Variants in BAZ1B observed in about 807,000 individuals in gnomAD.
BAZ1B encodes the protein bromodomain adjacent to zinc finger domain 1B, also known as tyrosine-protein kinase BAZ1B.
Under a neutral mutation model 153.8 loss-of-function variants are expected in BAZ1B, and 22 were observed. The observed-to-expected ratio is 0.14, with a 90% confidence interval of 0.10 to 0.20. BAZ1B has a LOEUF of 0.20. Ranked by LOEUF, BAZ1B falls within the 10% of genes least tolerant of loss-of-function variation. BAZ1B has a pLI of 1.00. For missense variants in BAZ1B, 1,325 were observed against 1,799.3 expected (o/e 0.74, Z 4.77); for synonymous variants, 676 against 633.4 (o/e 1.07, Z -1.01).
intron 6 of BAZ1B, among the ~76,000 whole-genome samples, chr7:73,479,021 G>C (rs1554573321): frequency 6.6e-6 from 1 of 152,100 alleles, no homozygotes. Flanking sequence ...TCCTTTCACT[G>C]TTGGTTCCTA....
intron 5 of BAZ1B, 136 bp downstream of exon 5, chr7:73,492,664 G>GT (rs1357828866): frequency 2.5e-5 from 20 of 809,168 alleles, no homozygotes; most frequent in Admixed American, 1.3e-4. Flanking sequence ...ATTAATTACT[G>GT]TAACTACAAA....
At chr7:73,456,422 T>C (rs1170392085) in intron 13 of BAZ1B, among the ~76,000 whole-genome samples, 2 of 152,174 alleles carry the variant, frequency 1.3e-5, no homozygotes, top group Non-Finnish European at 2.9e-5. Flanking sequence ...AAAGGGTTAT[T>C]ATCAAGGACA....
chr7:73,489,496 T>A (rs1391071376), intron 5 of BAZ1B, 105 bp from the exon 6 acceptor site: 8 of 1,134,754 alleles, frequency 7.0e-6, no homozygotes, highest in Non-Finnish European at 1.0e-5. Context: ...ATTCCATCTA[T>A]ATCAACAGGG....
intron 16 of BAZ1B, among the ~76,000 whole-genome samples, chr7:73,445,061 A>ACT (rs1787781028): frequency 6.6e-6 from 1 of 151,946 alleles, no homozygotes; most frequent in Non-Finnish European, 1.5e-5. Context: ...AGGCACTGAG[A>ACT]CTACTTGTGT....
rs1790137455 is a variant in BAZ1B at position 73,501,640 on chromosome 7, C to A, written c.370-2942G>T. 2.6e-5 allele frequency among the ~76,000 whole-genome samples: 4 copies of A among 152,236 alleles called. No individual in the cohort carries two copies. The East Asian group carries it at 7.7e-4, about 29-fold the overall frequency. The stretch of plus-strand genomic sequence containing the variant: ...AGTTTGTAATGCCAACGTTGAGAAA[C>A]CCCGTTCCTGACCATCAAGTTCCCT... On this transcript the variant is annotated intron_variant, in intron 3 of 19. Transcript: ENST00000339594.
At chr7:73,491,325 G>C (rs1319568200) in intron 5 of BAZ1B, among the ~76,000 whole-genome samples, 1 of 152,072 alleles carries the variant, frequency 6.6e-6, no homozygotes, top group Non-Finnish European at 1.5e-5. Flanking sequence ...TAGGCCGGGC[G>C]TGGTGGATCA....
At chr7:73,492,710 TTCTTCAGCACATTTTC>T in intron 5 of BAZ1B, 74 bp downstream of exon 5, 5 of 1,323,884 alleles carry the variant, frequency 3.8e-6, no homozygotes, top group Non-Finnish European at 5.2e-6. Flanking sequence ...ATTTACATTT[TTCTTCAGCACATTTTC>T]TCCAACAAAA....
intron 6 of BAZ1B, among the ~76,000 whole-genome samples, chr7:73,484,304 T>C (rs574544692): frequency 6.7e-6 from 1 of 149,958 alleles, no homozygotes; most frequent in African/African-American, 2.5e-5. Flanking sequence ...GATAGATAGA[T>C]AGATAGATAG....
chr7:73,521,724 C>G (rs1445992459), intron 1 of BAZ1B, 103 bp downstream of exon 1: 24 of 979,368 alleles, frequency 2.5e-5, no homozygotes, highest in Non-Finnish European at 3.0e-5. Flanking sequence ...GCGCTGACAG[C>G]TGCCCCGGGC....
chr7:73,466,442 C>T (rs782128652), intron 9 of BAZ1B, 41 bp from the exon 10 acceptor site: 5 of 1,400,378 alleles, frequency 3.6e-6, no homozygotes, highest in South Asian at 1.2e-5. Flanking sequence ...TAGTAAATAC[C>T]CAATTGCTAG....
At chr7:73,521,564 C>G (rs543012680) in intron 1 of BAZ1B, among the ~76,000 whole-genome samples, 1 of 152,132 alleles carries the variant, frequency 6.6e-6, no homozygotes, top group South Asian at 2.1e-4. Flanking sequence ...TCCTCGCCGG[C>G]GAGGCCCCGG....
At chr7:73,465,317 C>T (rs569547990) in intron 11 of BAZ1B, 122 bp downstream of exon 11, 18 of 606,284 alleles carry the variant, frequency 3.0e-5, no homozygotes, top group South Asian at 2.7e-4. Context: ...GAACACAAAA[C>T]GGTTACACAT....
At position 73,459,672 on chromosome 7, in the gene BAZ1B, G is replaced by A. The variant is rs1788326285; in HGVS notation, c.3296C>T (p.Ala1099Val). The A allele has an allele frequency of 6.2e-7, 1 of 1,613,688 alleles. No individual in the cohort carries two copies. The highest frequency in any genetic ancestry group is 8.5e-7 in the Non-Finnish European group (1 of 1,179,880). The change falls in exon 13 of 20, where the codon GCC (alanine) becomes GTC (valine). Residue 1099 changes from alanine to valine, a missense_variant. Transcript: ENST00000339594. Reference protein sequence around the residue: ...KLKDFGECVIALQASVIKKFL... With the variant: ...KLKDFGECVIVLQASVIKKFL... ...TTTCTTTATGACACTGGCCTGAAGG[G>A]CAATCACACACTCACCAAAATCCTT...
At chr7:73,460,974 T>C (rs1788374698) in intron 12 of BAZ1B, among the ~76,000 whole-genome samples, 1 of 151,990 alleles carries the variant, frequency 6.6e-6, no homozygotes, top group Non-Finnish European at 1.5e-5. Context: ...TTTTTGGTTT[T>C]TTGTTGTTGT....
chr7:73,482,451 G>A (rs150041802), intron 6 of BAZ1B, among the ~76,000 whole-genome samples: 5 of 152,064 alleles, frequency 3.3e-5, no homozygotes, highest in Admixed American at 6.5e-5. Context: ...ACATACAGGC[G>A]GACATTTTTT....
intron 3 of BAZ1B, among the ~76,000 whole-genome samples, chr7:73,505,433 A>G (rs959648545): frequency 1.3e-5 from 2 of 152,316 alleles, no homozygotes; most frequent in Middle Eastern, 6.8e-3. Context: ...GACTTACTAC[A>G]TGAGATAATC....
chr7:73,501,755 G>A (rs1432844067), intron 3 of BAZ1B, among the ~76,000 whole-genome samples: 2 of 152,038 alleles, frequency 1.3e-5, no homozygotes, highest in Non-Finnish European at 2.9e-5. Flanking sequence ...TCAACCTACA[G>A]GCTTCACCTT....
At chr7:73,476,790 C>T (rs1583913491) in intron 7 of BAZ1B, 78 bp downstream of exon 7, 10 of 1,520,036 alleles carry the variant, frequency 6.6e-6, no homozygotes, top group South Asian at 1.4e-5. Flanking sequence ...AACAGAGACC[C>T]TACCATTACC....
chr7:73,511,838 T>C (rs1303315503), intron 1 of BAZ1B, among the ~76,000 whole-genome samples: 1 of 145,754 alleles, frequency 6.9e-6, no homozygotes, highest in Non-Finnish European at 1.5e-5. Flanking sequence ...CTGAGCAACA[T>C]GGAGATACCC....
Sources: gnomAD v4.1 joint callset for allele counts (sites outside exome capture counted in the v4.1 genomes callset) on GRCh38, gnomAD v4.1.1 for gene constraint, MANE v1.5 for transcripts, NCBI Gene and HGNC (gene_info 2026-07-23, HGNC 2026-07-21) for gene names.